The following HACD4 variants were observed in gnomAD, a reference collection of about 807,000 sequenced individuals.
HACD4 encodes 3-hydroxyacyl-CoA dehydratase 4, also known as very-long-chain (3R)-3-hydroxyacyl-CoA dehydratase 4.
In HACD4, 35 loss-of-function variants were observed where a neutral mutation model predicts 33.3. The ratio of observed to expected loss-of-function variants is 1.05; its 90% CI spans 0.80 to 1.39. HACD4 has a LOEUF of 1.39. HACD4 is among the 40% of genes most tolerant of loss of function. The pLI, the probability that HACD4 is intolerant of heterozygous loss-of-function variation, is 0.00. For synonymous variants in HACD4, 118 were observed against 98.0 expected (o/e 1.20, Z -1.21); for missense variants, 323 against 276.5 (o/e 1.17, Z -1.19).
chr9:21,028,991 C>G (rs1381117626), intron 2 of HACD4, among the ~76,000 whole-genome samples: 1 of 152,082 alleles, frequency 6.6e-6, no homozygotes, highest in Non-Finnish European at 1.5e-5. Flanking sequence ...TTCCTCAAAA[C>G]ACTAGAAATC....
chr9:21,007,126 T>C lies in HACD4; in HGVS notation c.617-7A>G. ...CTGTAGGTAAAATACATACCTAATA[T>C]GGAGAAAGAAGTTGCAAAAGTAAGT... On this transcript the variant is annotated splice_region_variant and splice_polypyrimidine_tract_variant and intron_variant, in intron 6 of 6. Coordinates refer to ENST00000495827, the MANE Select transcript of HACD4 (RefSeq NM_001010915.5). 7.1e-7 allele frequency: 1 copy of C among 1,412,352 alleles called. No individual in the cohort carries two copies. The highest frequency in any genetic ancestry group is 1.2e-5 in the South Asian group (1 of 86,822). The allele number at this position is 1,412,352 out of a possible 1,614,324, so 87.5% of individuals were successfully genotyped here. A position where few individuals can be genotyped will look rare whatever the true frequency, so the allele number is the denominator to read the frequency against.
At chr9:21,029,223 T>G (rs551221295) in intron 2 of HACD4, 72 bp downstream of exon 2, 6 of 873,600 alleles carry the variant, frequency 6.9e-6, no homozygotes, top group Non-Finnish European at 1.1e-5. Context: ...TGTGTAGAAA[T>G]TTAATATAAG....
chr9:21,031,524 TC>T, intron 1 of HACD4, 28 bp downstream of exon 1: 1 of 1,453,848 alleles, frequency 6.9e-7, no homozygotes, highest in South Asian at 1.3e-5. Context: ...CCGCGCCCCC[TC>T]CCCTCGGGAT....
At chr9:21,022,091 C>G (rs1452801786) in intron 3 of HACD4, among the ~76,000 whole-genome samples, 1 of 152,232 alleles carries the variant, frequency 6.6e-6, no homozygotes, top group Non-Finnish European at 1.5e-5. Context: ...CTACAACCAT[C>G]TGATCTTTGA....
At chr9:21,016,128 C>T (rs1165101223) in intron 3 of HACD4, 118 bp from the exon 4 acceptor site, 2 of 623,612 alleles carry the variant, frequency 3.2e-6, no homozygotes, top group Admixed American at 2.9e-5. Context: ...AATATGTATA[C>T]TAAACTGTTA....
intron 1 of HACD4, 49 bp downstream of exon 1, chr9:21,031,503 AG>A (rs1818221304): frequency 1.4e-6 from 2 of 1,444,342 alleles, no homozygotes; most frequent in Non-Finnish European, 1.8e-6. Context: ...TCCCGCCTCC[AG>A]GCCCTCCACC....
In HACD4 at chr9:21,031,584, G is replaced by T. The variant is rs985862630; in HGVS notation, c.7C>A (p.Pro3Thr). Reference protein sequence around the residue: MGPLALPAWLQPR... With the variant: MGTLALPAWLQPR... Reference sequence around the variant, plus strand: ...TGCAGCCAGGCGGGCAGCGCCAAGGGCCCCATGGGCCGCCGCCGCCAGGGC... The same window carrying T: ...TGCAGCCAGGCGGGCAGCGCCAAGGTCCCCATGGGCCGCCGCCGCCAGGGC... Residue 3 changes from proline (P) to threonine (T), a missense_variant, in exon 1 of 7, where the codon CCC becomes ACC. Pro to Thr is a conservative substitution (Grantham distance 38). Coordinates refer to ENST00000495827, the MANE Select transcript of HACD4 (RefSeq NM_001010915.5). 3 of 1,438,546 alleles carry T rather than the reference G, an allele frequency of 2.1e-6. No individual in the cohort carries two copies. The East Asian group carries it at 9.1e-5, about 43-fold the overall frequency. 89.1% of individuals were successfully genotyped at this position (1,438,546 alleles called of 1,614,324 possible). A position where few individuals can be genotyped will look rare whatever the true frequency, so the allele number is the denominator to read the frequency against.
At chr9:21,030,647 G>A (rs1433247425) in intron 1 of HACD4, among the ~76,000 whole-genome samples, 2 of 152,140 alleles carry the variant, frequency 1.3e-5, no homozygotes, top group Non-Finnish European at 2.9e-5. Flanking sequence ...CCTGACTTTT[G>A]AACACATTAT....
chr9:21,031,518 G>A, intron 1 of HACD4, 35 bp downstream of exon 1: 2 of 1,455,466 alleles, frequency 1.4e-6, no homozygotes, highest in Non-Finnish European at 1.8e-6. Flanking sequence ...CTCCACCCGC[G>A]CCCCCTCCCC....
chr9:21,023,694 C>G (rs1245004716), intron 3 of HACD4, among the ~76,000 whole-genome samples: 4 of 151,860 alleles, frequency 2.6e-5, no homozygotes, highest in African/African-American at 4.8e-5. Context: ...CCTGCCTCAG[C>G]CTCCCGAGTA....
intron 2 of HACD4, among the ~76,000 whole-genome samples, chr9:21,028,505 C>G (rs935011601): frequency 1.3e-5 from 2 of 152,132 alleles, no homozygotes; most frequent in Non-Finnish European, 2.9e-5. Context: ...CTTATGGGAC[C>G]CTGCAAGTAG....
At position 21,005,332 on chromosome 9, in the gene HACD4, A is replaced by T. The variant is rs1387267973; in HGVS notation, c.*1705T>A. The stretch of plus-strand genomic sequence containing the variant: ...AACTTAAAAGATGTGGGAAATTATC[A>T]GTCTGTCTGCATTACAAAAAGATAA... On this transcript the variant is annotated 3_prime_UTR_variant, in exon 7 of 7. Transcript: ENST00000495827. This position sits in a 1 kb window ranked among gnomAD's most constrained non-coding sequence, Gnocchi z 4.0. The T allele has an allele frequency of 6.6e-6, 1 of 152,254 alleles. No homozygotes were observed. The highest frequency in any genetic ancestry group is 2.4e-5 in the African/African-American group (1 of 41,468). 9.4% of individuals were successfully genotyped at this position (152,254 alleles called of 1,614,324 possible). A position where few individuals can be genotyped will look rare whatever the true frequency, so the allele number is the denominator to read the frequency against.
chr9:21,028,064 G>T (rs938523865), intron 2 of HACD4, among the ~76,000 whole-genome samples: 1 of 139,686 alleles, frequency 7.2e-6, no homozygotes, highest in African/African-American at 2.6e-5. Context: ...GAACCTGGGA[G>T]ACAGAGGTTG....
intron 1 of HACD4, among the ~76,000 whole-genome samples, chr9:21,031,211 C>T (rs1818207557): frequency 6.6e-6 from 1 of 152,130 alleles, no homozygotes; most frequent in Admixed American, 6.5e-5. Flanking sequence ...GCTGTTACAT[C>T]TAAAAATCAC....
At chr9:21,007,545 T>C (rs1211384552) in intron 6 of HACD4, among the ~76,000 whole-genome samples, 1 of 152,320 alleles carries the variant, frequency 6.6e-6, no homozygotes, top group Non-Finnish European at 1.5e-5. Context: ...TTAGGTTTAA[T>C]GATCAAATTT....
At chr9:21,022,607 C>T (rs1274040983) in intron 3 of HACD4, among the ~76,000 whole-genome samples, 1 of 144,960 alleles carries the variant, frequency 6.9e-6, no homozygotes, top group Non-Finnish European at 1.5e-5. Context: ...AGCCAACAGA[C>T]ACATGAAAAA....
rs1428478941 is a variant in HACD4 at position 21,003,355 on chromosome 9, T to C, written c.*3682A>G. On this transcript the variant is annotated 3_prime_UTR_variant, in exon 7 of 7. Coordinates refer to ENST00000495827, the MANE Select transcript of HACD4 (RefSeq NM_001010915.5). The stretch of plus-strand genomic sequence containing the variant: ...CTTTGTTTTAGTGATTGATTGTACA[T>C]GTACTTCGGCAGTGTAAGGAGCCAT... The C allele has an allele frequency of 1.3e-5, 2 of 152,108 alleles. No individual in the cohort carries two copies. The highest frequency in any genetic ancestry group is 4.8e-5 in the African/African-American group (2 of 41,452). The allele number at this position is 152,108 out of a possible 1,614,324, so 9.4% of individuals were successfully genotyped here.
chr9:21,025,949 T>C (rs1818050122), intron 3 of HACD4, among the ~76,000 whole-genome samples: 1 of 152,224 alleles, frequency 6.6e-6, no homozygotes, highest in African/African-American at 2.4e-5. Context: ...TTTAAATGTA[T>C]ACAACTAGTG....
rs1048651308 is a variant in HACD4 at position 21,031,609 on chromosome 9, C to A, written c.-19G>T. ...GCCCCATGGGCCGCCGCCGCCAGGG[C>A]TTCCAGCGCGGTCCAGGAAGGAGTA... On this transcript the variant is annotated 5_prime_UTR_variant, in exon 1 of 7. Transcript: ENST00000495827. The A allele has an allele frequency of 4.9e-6, 7 of 1,417,448 alleles. 1 individual carries two copies. The African/African-American group carries it at 1.1e-4, about 21-fold the overall frequency. The allele number at this position is 1,417,448 out of a possible 1,614,324, so 87.8% of individuals were successfully genotyped here.
Sources: allele counts gnomAD v4.1 joint callset (sites outside exome capture counted in the v4.1 genomes callset), GRCh38; gene constraint gnomAD v4.1.1; non-coding constraint Gnocchi (gnomAD v3.1); transcripts MANE v1.5; gene names NCBI Gene and HGNC (gene_info 2026-07-23, HGNC 2026-07-21).